Variants in PKHD1L1 observed in about 807,000 individuals in gnomAD.
PKHD1L1 encodes fibrocystin-L.
In PKHD1L1, 434 loss-of-function variants were observed where a neutral mutation model predicts 462.9. The ratio of observed to expected loss-of-function variants is 0.94; its 90% confidence interval spans 0.87 to 1.02. The LOEUF (loss-of-function observed/expected upper bound fraction) is 1.02, where lower values mean the gene tolerates loss of function less well. Ranked by LOEUF, PKHD1L1 falls within the 50% of genes least tolerant of loss-of-function variation. The pLI, the probability that PKHD1L1 is intolerant of heterozygous loss-of-function variation, is 0.00. For synonymous variants in PKHD1L1, 1,781 were observed against 1,750.0 expected (o/e 1.02, Z -0.44); for missense variants, 5,202 against 5,096.1 (o/e 1.02, Z -0.63).
chr8:109,415,365 A>G (rs1183849263), intron 21 of PKHD1L1, among the ~76,000 whole-genome samples: 3 of 152,206 alleles, frequency 2.0e-5, no homozygotes, highest in African/African-American at 7.2e-5. Flanking sequence ...AGAAATTCAT[A>G]TACTCTAAAA....
At chr8:109,516,865 A>G (rs927102667) in intron 72 of PKHD1L1, among the ~76,000 whole-genome samples, 13 of 152,122 alleles carry the variant, frequency 8.5e-5, no homozygotes, top group African/African-American at 3.1e-4. Flanking sequence ...ACATATATTG[A>G]ACCCAGACAA....
intron 51 of PKHD1L1, 129 bp downstream of exon 51, chr8:109,475,398 C>A: frequency 1.2e-6 from 1 of 811,042 alleles, no homozygotes; most frequent in Non-Finnish European, 1.8e-6. Flanking sequence ...TGAAATCCTG[C>A]ACATTCTTTG....
chr8:109,388,631 T>A lies in PKHD1L1; in HGVS notation c.623+81T>A, dbSNP rs1002249907. 1.6e-5 allele frequency: 15 copies of A among 909,802 alleles called. No homozygotes were observed. The East Asian group carries it at 3.4e-4, about 21-fold the overall frequency. The allele number at this position is 909,802 out of a possible 1,614,324, so 56.4% of individuals were successfully genotyped here. On this transcript the variant is annotated intron_variant, in intron 7 of 77. Transcript: ENST00000378402. ...AAATTTAAATAGTAATTGCTACCAA[T>A]ACTGCATAGCTAAATGGTTTATAAT...
In PKHD1L1 at chr8:109,404,823, T is replaced by C. The variant is rs919463633; in HGVS notation, c.1533+110T>C. On this transcript the variant is annotated intron_variant, in intron 15 of 77. Transcript: ENST00000378402. ...ATACTGTTTTAGGTGAAAGCAGTCATGGACAATTATTAAATTATGACTTTG... is the reference window on the plus strand; with the variant it reads ...ATACTGTTTTAGGTGAAAGCAGTCACGGACAATTATTAAATTATGACTTTG... 43 of 1,210,944 alleles carry C rather than the reference T, an allele frequency of 3.6e-5. 1 individual carries two copies. The South Asian group carries it at 6.3e-4, about 18-fold the overall frequency. 75.0% of individuals were successfully genotyped at this position (1,210,944 alleles called of 1,614,324 possible). A position where few individuals can be genotyped will look rare whatever the true frequency, so the allele number is the denominator to read the frequency against.
Position 109,491,773 on chromosome 8 carries a change from T to C in PKHD1L1, c.10115-100T>C, listed in dbSNP as rs149516554. Reference sequence around the variant, plus strand: ...GTTTGTCAGGCTCAAAGTAGAAAAATAATTTTATGGAAAAATCAAAAGACA... The same window carrying C: ...GTTTGTCAGGCTCAAAGTAGAAAAACAATTTTATGGAAAAATCAAAAGACA... On this transcript the variant is annotated intron_variant, in intron 61 of 77. Coordinates refer to ENST00000378402, the MANE Select transcript of PKHD1L1 (RefSeq NM_177531.6). 1.4e-4 allele frequency: 160 copies of C among 1,149,620 alleles called. 5 individuals carry two copies. The Middle Eastern group carries it at 3.9e-3, about 28-fold the overall frequency. The allele number at this position is 1,149,620 out of a possible 1,614,324, so 71.2% of individuals were successfully genotyped here. A position where few individuals can be genotyped will look rare whatever the true frequency, so the allele number is the denominator to read the frequency against.
intron 62 of PKHD1L1, 51 bp from the exon 63 acceptor site, chr8:109,493,610 T>G: frequency 8.2e-7 from 1 of 1,213,560 alleles, no homozygotes; most frequent in Non-Finnish European, 1.2e-6. Context: ...TCGATTTATA[T>G]AAATGTTTAC....
intron 75 of PKHD1L1, 135 bp downstream of exon 75, chr8:109,523,025 C>T: frequency 9.3e-7 from 1 of 1,071,800 alleles, no homozygotes; most frequent in South Asian, 1.7e-5. Context: ...GACTAATATC[C>T]AAGGATACCA....
chr8:109,429,838 C>T, intron 26 of PKHD1L1, 94 bp from the exon 27 acceptor site: 1 of 841,540 alleles, frequency 1.2e-6, no homozygotes, highest in South Asian at 1.6e-5. Context: ...AATTAGCAAA[C>T]CAACAAAATT....
intron 26 of PKHD1L1, 120 bp downstream of exon 26, chr8:109,429,582 T>G (rs1586491619): frequency 2.1e-6 from 2 of 954,422 alleles, no homozygotes; most frequent in Non-Finnish European, 3.1e-6. Flanking sequence ...GGAACATTTG[T>G]CTTAATATTG....
At chr8:109,423,521 G>T (rs1467014121) in intron 23 of PKHD1L1, among the ~76,000 whole-genome samples, 1 of 151,996 alleles carries the variant, frequency 6.6e-6, no homozygotes, top group East Asian at 1.9e-4. Context: ...CTTGACTATT[G>T]TATCTGAATA....
chr8:109,377,315 A>G (rs1382402389), intron 2 of PKHD1L1, among the ~76,000 whole-genome samples: 1 of 152,214 alleles, frequency 6.6e-6, no homozygotes, highest in Non-Finnish European at 1.5e-5. Flanking sequence ...ATTATATACA[A>G]CATTTAAAGA....
rs373811693 is a variant in PKHD1L1 at position 109,493,727 on chromosome 8, C to T, written c.10303C>T (p.Arg3435Cys). The change falls in exon 63 of 78, where the codon CGC becomes TGC. Residue 3435 changes from arginine to cysteine, a missense_variant. Arg to Cys is a radical substitution (Grantham distance 180). Around this residue, in one of 3 missense-constraint regions of PKHD1L1, gnomAD observed 4,497 missense variants for 4,336.8 expected, o/e 1.04. Coordinates refer to ENST00000378402, the MANE Select transcript of PKHD1L1 (RefSeq NM_177531.6). ...GGCTGGATTTGGAAGAGCAGGATACCGCATTGATGGTGAACCTTGCCCAGG... is the reference window on the plus strand; with the variant it reads ...GGCTGGATTTGGAAGAGCAGGATACTGCATTGATGGTGAACCTTGCCCAGG... The part of the protein sequence containing the change: ...VVAGFGRAGY[R>C]IDGEPCPGQF... 3.1e-5 allele frequency: 50 copies of T among 1,606,342 alleles called. No homozygotes were observed. Among genetic ancestry groups the T allele is most frequent in the East Asian group, 9.0e-5 (4 of 44,614 alleles).
At chr8:109,522,441 AG>A (rs1820598724) in intron 74 of PKHD1L1, 104 bp downstream of exon 74, 4 of 1,252,206 alleles carry the variant, frequency 3.2e-6, no homozygotes, top group Non-Finnish European at 4.3e-6. Flanking sequence ...ATAATTTAGC[AG>A]GCATGTCTTT....
At position 109,524,705 on chromosome 8, in the gene PKHD1L1, A is replaced by G. The variant is rs149080472; in HGVS notation, c.12484+1319A>G. On this transcript the variant is annotated intron_variant, in intron 76 of 77. Coordinates refer to ENST00000378402, the MANE Select transcript of PKHD1L1 (RefSeq NM_177531.6). ...TACGTTAAGTTTTTTTTCAGAATTCAAAGCTTCCCTTGGGAGGGTCTGTCT... is the reference window on the plus strand; with the variant it reads ...TACGTTAAGTTTTTTTTCAGAATTCGAAGCTTCCCTTGGGAGGGTCTGTCT... 3.2e-4 allele frequency among the ~76,000 whole-genome samples: 48 copies of G among 152,272 alleles called. No individual in the cohort carries two copies. In the East Asian group the frequency reaches 8.7e-3, roughly 28 times the overall value.
chr8:109,452,568 G>T (rs1358331513), intron 42 of PKHD1L1, 150 bp from the exon 43 acceptor site: 3 of 443,734 alleles, frequency 6.8e-6, no homozygotes, highest in Non-Finnish European at 1.0e-5. Context: ...AAGTAGGTTA[G>T]ATTTTATTAT....
At chr8:109,526,677 A>G in intron 76 of PKHD1L1, 107 bp from the exon 77 acceptor site, 1 of 952,474 alleles carries the variant, frequency 1.0e-6, no homozygotes, top group Non-Finnish European at 1.5e-6. Flanking sequence ...AAAATATTTC[A>G]TCAGGATCTA....
intron 48 of PKHD1L1, among the ~76,000 whole-genome samples, chr8:109,462,761 T>G (rs1817210733): frequency 6.6e-6 from 1 of 152,050 alleles, no homozygotes; most frequent in African/African-American, 2.4e-5. Context: ...AGAATGGTCT[T>G]GATCTCCTGA....
chr8:109,380,882 TC>T (rs1421911281), intron 2 of PKHD1L1, among the ~76,000 whole-genome samples: 1 of 152,162 alleles, frequency 6.6e-6, no homozygotes, highest in Non-Finnish European at 1.5e-5. Flanking sequence ...CCTCCTCTAT[TC>T]TTTTTAGTCC....
chr8:109,407,423 C>G (rs985876686), intron 17 of PKHD1L1, among the ~76,000 whole-genome samples: 1 of 151,952 alleles, frequency 6.6e-6, no homozygotes, highest in African/African-American at 2.4e-5. Context: ...ATATGGTGCC[C>G]AAATCCTAAC....
Sources: allele counts gnomAD v4.1 joint callset (sites outside exome capture counted in the v4.1 genomes callset), GRCh38; gene constraint gnomAD v4.1.1; regional missense constraint gnomAD v4.1.1; transcripts MANE v1.5; gene names NCBI Gene and HGNC (gene_info 2026-07-23, HGNC 2026-07-21).